The following DST variants were observed in gnomAD, a reference collection of about 807,000 sequenced individuals.
DST encodes the protein dystonin.
In DST, 253 loss-of-function variants were observed where a neutral mutation model predicts 875.2. The observed-to-expected ratio is 0.29, with a 90% CI of 0.26 to 0.32. The LOEUF (loss-of-function observed/expected upper bound fraction) is 0.32, where lower values mean the gene tolerates loss of function less well. Ranked by LOEUF, DST falls within the 10% of genes least tolerant of loss-of-function variation. The pLI is 1.00. For missense variants in DST, 8,287 were observed against 9,111.6 expected (o/e 0.91, Z 3.68); for synonymous variants, 3,124 against 3,197.1 (o/e 0.98, Z 0.77).
chr6:56,932,668 A>C (rs142552674), intron 2 of DST, among the ~76,000 whole-genome samples: 7 of 152,190 alleles, frequency 4.6e-5, no homozygotes, highest in Non-Finnish European at 8.8e-5. Flanking sequence ...AACAAATAGT[A>C]AGTGCCTATT....
At chr6:56,611,786 G>C (rs1336847565) in intron 37 of DST, among the ~76,000 whole-genome samples, 190 bp from the exon 38 acceptor site, 1 of 152,180 alleles carries the variant, frequency 6.6e-6, no homozygotes, top group East Asian at 1.9e-4. Flanking sequence ...GAATCCGTAA[G>C]GAAAGCTCCT....
At chr6:56,500,958 A>T in intron 80 of DST, 122 bp downstream of exon 80, 1 of 906,156 alleles carries the variant, frequency 1.1e-6, no homozygotes, top group Non-Finnish European at 1.6e-6. Flanking sequence ...ATAAATGTCA[A>T]ATATGAACTT....
At chr6:56,643,828 TAGTG>T (rs1301263906) in intron 15 of DST, among the ~76,000 whole-genome samples, 1 of 152,216 alleles carries the variant, frequency 6.6e-6, no homozygotes, top group Admixed American at 6.5e-5. Context: ...ACATCAAATA[TAGTG>T]AGTGAACAGA....
At chr6:56,528,805 T>G (rs1280134849) in intron 67 of DST, 36 bp downstream of exon 67, 4 of 1,332,548 alleles carry the variant, frequency 3.0e-6, no homozygotes, top group Non-Finnish European at 4.2e-6. Flanking sequence ...TATAAAATGC[T>G]GACCACATGA....
chr6:56,871,173 C>G (rs1337244698), intron 3 of DST: 2 of 722,826 alleles, frequency 2.8e-6, no homozygotes, highest in Non-Finnish European at 2.5e-6. Context: ...CCTAAGTGGC[C>G]TGAGGTAGTC....
intron 2 of DST, among the ~76,000 whole-genome samples, chr6:56,925,516 T>C (rs1806586220): frequency 6.6e-6 from 1 of 152,216 alleles, no homozygotes; most frequent in Non-Finnish European, 1.5e-5. Flanking sequence ...CCTTCTTATA[T>C]ATCTACATTT....
rs2098758828 is a variant in DST at position 56,629,378 on chromosome 6, T to C, written c.4347A>G (p.Lys1449=). The C allele has an allele frequency of 6.2e-7, 1 of 1,613,646 alleles. No individual in the cohort carries two copies. The highest frequency in any genetic ancestry group is 8.5e-7 in the Non-Finnish European group (1 of 1,179,780). Residue 1449 remains lysine, a synonymous_variant, in exon 32 of 104, where the codon AAA becomes AAG. Coordinates refer to ENST00000680361, the MANE Select transcript of DST (RefSeq NM_001374736.1). ...ACATTTCATCACTGATGGCTTTAGC[T>C]TTCTGCAACTCATCCTCTAAGGCAT... ...VFHALEDELQ[K]AKAISDEMFK...
intron 4 of DST, among the ~76,000 whole-genome samples, chr6:56,792,022 A>C (rs1294025464): frequency 6.6e-6 from 1 of 152,188 alleles, no homozygotes; most frequent in South Asian, 2.1e-4. Flanking sequence ...TGTGCCAAAA[A>C]GCAAAGGAAA....
At chr6:56,496,545 A>G (rs1187230219) in intron 82 of DST, among the ~76,000 whole-genome samples, 1 of 152,152 alleles carries the variant, frequency 6.6e-6, no homozygotes, top group Non-Finnish European at 1.5e-5. Context: ...AATCATGCTT[A>G]TAACAATAAT....
At chr6:56,742,236 A>G (rs1284637379) in intron 4 of DST, 1 of 1,227,784 alleles carries the variant, frequency 8.1e-7, no homozygotes, top group Non-Finnish European at 1.1e-6. Flanking sequence ...CAGTTCTGAA[A>G]ACATGAAAGT....
chr6:56,906,101 G>A (rs1429843754), intron 2 of DST, among the ~76,000 whole-genome samples: 1 of 152,200 alleles, frequency 6.6e-6, no homozygotes, highest in Non-Finnish European at 1.5e-5. Context: ...AGCCAGAAGT[G>A]TGATTGTTGG....
intron 46 of DST, 83 bp from the exon 47 acceptor site, chr6:56,598,089 A>T: frequency 1.5e-6 from 2 of 1,307,932 alleles, no homozygotes; most frequent in Non-Finnish European, 2.0e-6. Context: ...AATACTTAGA[A>T]CATTTTAAAT....
In DST at chr6:56,648,654, C is replaced by A. The variant is rs749785304; in HGVS notation, c.1470G>T (p.Met490Ile). 9.5e-6 allele frequency: 15 copies of A among 1,583,848 alleles called. No individual in the cohort carries two copies. Among genetic ancestry groups the A allele is most frequent in the African/African-American group, 6.7e-5 (5 of 74,588 alleles). Residue 490 changes from methionine (M) to isoleucine (I), a missense_variant, in exon 13 of 104, where the codon ATG becomes ATT. Around this residue, in one of 10 missense-constraint regions of DST, gnomAD observed 1,160 missense variants for 1,424.3 expected, o/e 0.81. Coordinates refer to ENST00000680361, the MANE Select transcript of DST (RefSeq NM_001374736.1). ...VEVKWIEYQN[M>I]VNYLIQWIRH... ...TAATCCATTGGATGAGGTAGTTCAC[C>A]ATATTCTGGTATTCAATCCATTTGA...
chr6:56,562,291 T>TGTTGA, intron 55 of DST, 91 bp from the exon 56 acceptor site: 1 of 544,340 alleles, frequency 1.8e-6, no homozygotes, highest in Non-Finnish European at 2.9e-6. Flanking sequence ...CCATCAACAG[T>TGTTGA]AATCACACAT....
chr6:56,629,057 A>G (rs1301544617), intron 32 of DST, among the ~76,000 whole-genome samples, 193 bp downstream of exon 32: 2 of 152,212 alleles, frequency 1.3e-5, no homozygotes, highest in African/African-American at 4.8e-5. Context: ...AACAGAGTTG[A>G]AAAAATGCTT....
intron 45 of DST, 56 bp downstream of exon 45, chr6:56,600,013 G>C (rs975846881): frequency 2.0e-6 from 3 of 1,465,244 alleles, no homozygotes; most frequent in Non-Finnish European, 2.8e-6. Flanking sequence ...ACTTCCAAAT[G>C]ATAGTAATCG....
Position 56,607,299 on chromosome 6 carries a change from T to A in DST, c.7329A>T (p.Lys2443Asn). 1 of 1,613,594 alleles carries A rather than the reference T, an allele frequency of 6.2e-7. No individual in the cohort carries two copies. The highest frequency in any genetic ancestry group is 8.5e-7 in the Non-Finnish European group (1 of 1,179,648). Residue 2443 changes from lysine (K) to asparagine (N), a missense_variant, in exon 40 of 104, where the codon AAA becomes AAT. By Grantham distance (94) the Lys-to-Asn change is moderately conservative. Transcript: ENST00000680361. ...TAAAACTTCCCTGACTGTGCATCAA[T>A]TTATCATGACTTAACAAGGCACTTA... ...PRLSALLSHD[K>N]LMHSQGSFND...
chr6:56,716,544 AC>A (rs2099395212), intron 5 of DST, among the ~76,000 whole-genome samples: 1 of 152,214 alleles, frequency 6.6e-6, no homozygotes. Context: ...GAGCATTTAA[AC>A]CCAATCTAAA....
intron 10 of DST, among the ~76,000 whole-genome samples, chr6:56,670,130 G>A (rs974795737): frequency 9.1e-6 from 1 of 109,590 alleles, no homozygotes; most frequent in Admixed American, 1.1e-4. Context: ...GCGAGCGCCC[G>A]TGCGTGTGTG....
Sources: gnomAD v4.1 joint callset for allele counts (sites outside exome capture counted in the v4.1 genomes callset) on GRCh38, gnomAD v4.1.1 for gene constraint, gnomAD v4.1.1 regional missense constraint, MANE v1.5 for transcripts, NCBI Gene and HGNC (gene_info 2026-07-23, HGNC 2026-07-21) for gene names.